TDRD1: variants seen among roughly 807,000 people sequenced by gnomAD.
TDRD1 encodes the protein tudor domain containing 1, also known as tudor domain-containing protein 1.
A neutral mutation model predicts 140.6 loss-of-function variants in TDRD1; 37 were observed. The observed-to-expected ratio is 0.26, with a 90% CI of 0.20 to 0.35. TDRD1 has a LOEUF of 0.35. Among genes scored for constraint, TDRD1 ranks in the 10% least tolerant of loss-of-function variants. The pLI, the probability that TDRD1 is intolerant of heterozygous loss-of-function variation, is 1.00. For synonymous variants in TDRD1, 506 were observed against 475.7 expected, an observed-to-expected ratio of 1.06 and a Z score of -0.83; for missense variants, 1,243 against 1,393.0, an observed-to-expected ratio of 0.89 and a Z score of 1.71.
chr10:114,190,134 TGAAG>T (rs530941482), intron 2 of TDRD1, among the ~76,000 whole-genome samples: 1 of 152,332 alleles, frequency 6.6e-6, no homozygotes, highest in East Asian at 1.9e-4. Context: ...TTCACTGAGT[TGAAG>T]GCAAAAGCTG....
At chr10:114,231,595 G>T (rs959762650) in exon 26 of TDRD1, 1 of 1,227,852 alleles carries the variant, frequency 8.1e-7, no homozygotes, top group Admixed American at 2.6e-5. Flanking sequence ...CCTTTTCTTT[G>T]TCCACTTTCT....
rs1384962908 is a variant in TDRD1 at position 114,226,367 on chromosome 10, T to C, written c.3175+151T>C. On this transcript the variant is annotated intron_variant, in intron 22 of 25. Coordinates refer to ENST00000251864, the Ensembl canonical transcript of TDRD1. ...AAGAGTTTTCAAATAAGTTTCATAT[T>C]CTTTATTCTTTATCGAATTCTCACA... The C allele has an allele frequency of 8.5e-6, 5 of 587,002 alleles. No individual in the cohort carries two copies. In the African/African-American group the frequency reaches 9.5e-5, roughly 11 times the overall value. 36.4% of individuals were successfully genotyped at this position (587,002 alleles called of 1,614,324 possible). A position where few individuals can be genotyped will look rare whatever the true frequency, so the allele number is the denominator to read the frequency against.
chr10:114,178,683 G>A (rs1201941183), upstream of TDRD1, among the ~76,000 whole-genome samples: 2 of 152,052 alleles, frequency 1.3e-5, no homozygotes, highest in African/African-American at 4.8e-5. Flanking sequence ...GACTATGCTG[G>A]GGGCCAGAAG....
At position 114,214,478 on chromosome 10, in the gene TDRD1, T is replaced by C. The variant is rs1448952889; in HGVS notation, c.2212+364T>C. Reference sequence around the variant, plus strand: ...AACTCAAGGGTGCGGTGAGGCTTGATCATACCAGTGTACTCCAGCCTGGGC... The same window carrying C: ...AACTCAAGGGTGCGGTGAGGCTTGACCATACCAGTGTACTCCAGCCTGGGC... On this transcript the variant is annotated intron_variant, in intron 16 of 25. Transcript: ENST00000251864. Among the ~76,000 whole-genome samples the C allele has an allele frequency of 4.6e-5, 7 of 152,140 alleles. No homozygotes were observed. In the East Asian group the frequency reaches 1.3e-3, roughly 29 times the overall value.
chr10:114,200,914 G>A (rs1164143479), intron 4 of TDRD1, among the ~76,000 whole-genome samples: 4 of 143,230 alleles, frequency 2.8e-5, no homozygotes, highest in African/African-American at 1.0e-4. Context: ...GGAGTGCAGT[G>A]GTACAATCTC....
At chr10:114,197,849 G>A (rs78451320) in intron 3 of TDRD1, among the ~76,000 whole-genome samples, 26 of 151,968 alleles carry the variant, frequency 1.7e-4, no homozygotes, top group African/African-American at 5.8e-4. Context: ...TAGAGATGGG[G>A]TTCGCCATAT....
intron 13 of TDRD1, among the ~76,000 whole-genome samples, chr10:114,211,647 A>G (rs1037836758): frequency 6.6e-6 from 1 of 152,246 alleles, no homozygotes; most frequent in African/African-American, 2.4e-5. Flanking sequence ...ATGTAAACTA[A>G]TGATTACAGC....
At chr10:114,206,746 T>G (rs2035142680) in intron 11 of TDRD1, among the ~76,000 whole-genome samples, 2 of 151,854 alleles carry the variant, frequency 1.3e-5, no homozygotes, top group African/African-American at 4.8e-5. Flanking sequence ...CCGGAGGAGC[T>G]GGGATTACAG....
At chr10:114,199,435 C>A in intron 4 of TDRD1, 118 bp downstream of exon 4, 1 of 1,264,004 alleles carries the variant, frequency 7.9e-7, no homozygotes, top group Non-Finnish European at 1.1e-6. Context: ...TGCCACACAC[C>A]CGTCTCAGCC....
chr10:114,205,370 T>A (rs1161147503), intron 10 of TDRD1, among the ~76,000 whole-genome samples: 1 of 152,188 alleles, frequency 6.6e-6, no homozygotes, highest in Non-Finnish European at 1.5e-5. Context: ...TGCCTCCCAG[T>A]TTCCAGGGTA....
intron 16 of TDRD1, among the ~76,000 whole-genome samples, chr10:114,215,353 T>G (rs1475046155): frequency 6.6e-6 from 1 of 152,198 alleles, no homozygotes; most frequent in African/African-American, 2.4e-5. Flanking sequence ...AGTGTTGCTG[T>G]GAACATTACA....
chr10:114,204,446 T>G (rs1317453590), intron 9 of TDRD1, among the ~76,000 whole-genome samples: 1 of 152,210 alleles, frequency 6.6e-6, no homozygotes, highest in Non-Finnish European at 1.5e-5. Flanking sequence ...TAATCATTTC[T>G]ATATTATAGT....
chr10:114,192,292 C>T (rs1373229829), intron 3 of TDRD1, among the ~76,000 whole-genome samples: 1,597 of 74,590 alleles, frequency 0.021, 180 homozygotes, highest in African/African-American at 0.075. Context: ...GATAGTTTTC[C>T]TTTTTTTTTT....
upstream of TDRD1, among the ~76,000 whole-genome samples, chr10:114,176,290 G>GAA (rs558894627): frequency 1.3e-4 from 17 of 135,156 alleles, no homozygotes; most frequent in South Asian, 4.7e-4. This position sits in a 1 kb window ranked among gnomAD's most constrained non-coding sequence, Gnocchi z 4.2. Flanking sequence ...AAATTGAATG[G>GAA]AAAAAAAAAA....
chr10:114,221,290 G>T, intron 19 of TDRD1, 67 bp from the exon 20 acceptor site: 1 of 1,419,970 alleles, frequency 7.0e-7, no homozygotes, highest in East Asian at 2.3e-5. Flanking sequence ...AATTAAATAT[G>T]TTACTGAGGA....
exon 7 of TDRD1, chr10:114,203,082 C>G (rs368162312): frequency 1.9e-6 from 3 of 1,611,912 alleles, no homozygotes; most frequent in Admixed American, 3.3e-5. Context: ...AGTGACTGTC[C>G]ACTTGGAGTT....
chr10:114,220,462 T>C, intron 18 of TDRD1, 106 bp from the exon 19 acceptor site: 3 of 723,186 alleles, frequency 4.1e-6, no homozygotes, highest in South Asian at 3.5e-5. Context: ...ATACTGAGAA[T>C]TGCTGACCTG....
At chr10:114,208,385 C>G (rs1417332534) in intron 11 of TDRD1, among the ~76,000 whole-genome samples, 1 of 152,156 alleles carries the variant, frequency 6.6e-6, no homozygotes, top group African/African-American at 2.4e-5. Context: ...ATTAAGAGTT[C>G]CCTTTAAACC....
chr10:114,231,867 G>C (rs2036774810), exon 26 of TDRD1: 1 of 214,992 alleles, frequency 4.7e-6, no homozygotes, highest in Non-Finnish European at 9.0e-6. Flanking sequence ...AGGATCCCTT[G>C]AGGCCAGGAG....
Sources: allele counts gnomAD v4.1 joint callset (sites outside exome capture counted in the v4.1 genomes callset), GRCh38; gene constraint gnomAD v4.1.1; non-coding constraint Gnocchi (gnomAD v3.1); transcripts MANE v1.5; gene names NCBI Gene and HGNC (gene_info 2026-07-23, HGNC 2026-07-21).